Variants in MYO7A observed in about 807,000 individuals in gnomAD.
MYO7A encodes unconventional myosin-VIIa.
In MYO7A, 210 loss-of-function variants were observed where a neutral mutation model predicts 263.8. The ratio of observed to expected loss-of-function variants is 0.80; its 90% CI spans 0.71 to 0.89. The LOEUF (loss-of-function observed/expected upper bound fraction) is 0.89. Among genes scored for constraint, MYO7A ranks in the 40% least tolerant of loss-of-function variants. The pLI is 0.00. For missense variants in MYO7A, 2,820 were observed against 2,968.3 expected (o/e 0.95, Z 1.16); for synonymous variants, 1,239 against 1,197.3 (o/e 1.03, Z -0.72).
rs551657178 is a variant in MYO7A at position 77,175,313 on chromosome 11, C to T, written c.2095-59C>T. The T allele has an allele frequency of 1.2e-4, 185 of 1,518,664 alleles. 1 individual carries two copies. The highest frequency in any genetic ancestry group is 3.4e-4 in the Middle Eastern group (2 of 5,860). The allele number at this position is 1,518,664 out of a possible 1,614,324, so 94.1% of individuals were successfully genotyped here. A position where few individuals can be genotyped will look rare whatever the true frequency, so the allele number is the denominator to read the frequency against. On this transcript the variant is annotated intron_variant, in intron 17 of 48. Coordinates refer to ENST00000409709, the MANE Select transcript of MYO7A (RefSeq NM_000260.4). The stretch of plus-strand genomic sequence containing the variant: ...CTGCCTCTCAGCCTCGGGGACACTC[C>T]GGAGGCCTTCCCACTGGAGAGGCTG...
At chr11:77,171,232 G>C (rs913795947) in intron 15 of MYO7A, among the ~76,000 whole-genome samples, 2 of 152,172 alleles carry the variant, frequency 1.3e-5, no homozygotes, top group Admixed American at 1.3e-4. Flanking sequence ...TGCATGCTGA[G>C]GTTGTGTGTG....
intron 10 of MYO7A, among the ~76,000 whole-genome samples, 155 bp downstream of exon 10, chr11:77,159,678 G>A (rs1555067084): frequency 6.6e-6 from 1 of 152,208 alleles, no homozygotes; most frequent in Non-Finnish European, 1.5e-5. Context: ...TGCAGGTCCT[G>A]TGCTAGGCAC....
Position 77,199,587 on chromosome 11 carries a change from C to T in MYO7A, c.4621C>T (p.Pro1541Ser), listed in dbSNP as rs1460898313. 1.3e-6 allele frequency: 2 copies of T among 1,577,226 alleles called. No individual in the cohort carries two copies. The highest frequency in any genetic ancestry group is 8.6e-7 in the Non-Finnish European group (1 of 1,160,632). Reference sequence around the variant, plus strand: ...CTGCTCTGATCTTGGCTGTGCTGCGCCTCACTCAGGCTGGGCAGGACTGAC... The same window carrying T: ...CTGCTCTGATCTTGGCTGTGCTGCGTCTCACTCAGGCTGGGCAGGACTGAC... ...LGCSDLGCAA[P>S]HSGWAGLTPA... is the part of the protein sequence containing the mutation. The change falls in exon 35 of 49, where the codon CCT becomes TCT. Residue 1541 changes from proline to serine, a missense_variant. Physicochemically the swap from Pro to Ser is moderately conservative, Grantham distance 74. Coordinates refer to ENST00000409709, the MANE Select transcript of MYO7A (RefSeq NM_000260.4).
In MYO7A at chr11:77,138,884, C is replaced by T. The variant is rs1462266055; in HGVS notation, c.19-3825C>T. On this transcript the variant is annotated intron_variant, in intron 2 of 48. Transcript: ENST00000409709. The surrounding 1 kb of genome is among the most constrained non-coding windows in gnomAD (Gnocchi z 4.9). ...AAATGGGGTGATAAAACCGGTGTCC[C>T]AGAGTGATCATGAAGATAACGAGCG... 6.6e-6 allele frequency among the ~76,000 whole-genome samples: 1 copy of T among 152,228 alleles called. No homozygotes were observed. Among genetic ancestry groups the T allele is most frequent in the Admixed American group, 6.5e-5 (1 of 15,292 alleles).
intron 48 of MYO7A, 91 bp from the exon 49 acceptor site, chr11:77,214,516 C>A: frequency 1.1e-6 from 1 of 946,872 alleles, no homozygotes; most frequent in Non-Finnish European, 1.7e-6. Flanking sequence ...CTGGGTTCTG[C>A]CCATTGCAGA....
In MYO7A at chr11:77,192,064, G is replaced by A; in HGVS notation, c.3938G>A (p.Gly1313Asp). ...CTGTGCCCACAGGTGTCCTCCCTGG[G>A]CAGCGGCAGTGACCACGTCATGGAC... ...IALFDKVSSLGSGSDHVMDAI... is the reference protein window; with the variant it reads ...IALFDKVSSLDSGSDHVMDAI... The change falls in exon 31 of 49, where the codon GGC becomes GAC. Residue 1313 changes from glycine (G) to aspartate (D), a missense_variant. Gly to Asp is a moderately conservative substitution (Grantham distance 94). Coordinates refer to ENST00000409709, the MANE Select transcript of MYO7A (RefSeq NM_000260.4). 4 of 1,613,296 alleles carry A rather than the reference G, an allele frequency of 2.5e-6. No individual in the cohort carries two copies. The highest frequency in any genetic ancestry group is 1.1e-5 in the South Asian group (1 of 91,008).
chr11:77,192,310 C>T (rs773171174), intron 31 of MYO7A, 32 bp downstream of exon 31: 46 of 1,601,112 alleles, frequency 2.9e-5, no homozygotes, highest in Admixed American at 1.7e-4. Flanking sequence ...GCCAGGCTGG[C>T]TTGGCTCACA....
intron 4 of MYO7A, among the ~76,000 whole-genome samples, chr11:77,154,135 C>T (rs1012447106): frequency 2.0e-5 from 3 of 152,186 alleles, no homozygotes; most frequent in Admixed American, 6.5e-5. Context: ...AGGAAGGTGG[C>T]GTTTATGTAT....
At position 77,203,041 on chromosome 11, in the gene MYO7A, G is replaced by A. The variant is rs900981331; in HGVS notation, c.5169-19G>A. ...CTGCCAGCGATGGGGCGTTGCTGAC[G>A]GTCCCTGTGCTGCGGCAGGCCCCCA... is the stretch of plus-strand genomic sequence containing the variant. On this transcript the variant is annotated intron_variant, in intron 37 of 48. Transcript: ENST00000409709. 1.6e-5 allele frequency: 25 copies of A among 1,545,384 alleles called. No homozygotes were observed. Among genetic ancestry groups the A allele is most frequent in the African/African-American group, 6.9e-5 (5 of 72,932 alleles).
intron 27 of MYO7A, chr11:77,185,074 A>G: frequency 7.5e-6 from 3 of 401,088 alleles, no homozygotes; most frequent in South Asian, 6.5e-5. Context: ...CATTATGTCT[A>G]AAAAATGTAG....
At chr11:77,180,325 A>G (rs1955067783) in intron 21 of MYO7A, 49 bp from the exon 22 acceptor site, 11 of 1,528,782 alleles carry the variant, frequency 7.2e-6, no homozygotes, top group Non-Finnish European at 9.9e-6. Context: ...AATCCCTGCA[A>G]CAACAGCTAC....
chr11:77,133,391 T>G (rs554261171), intron 2 of MYO7A, among the ~76,000 whole-genome samples: 1 of 152,232 alleles, frequency 6.6e-6, no homozygotes, highest in Admixed American at 6.5e-5. Flanking sequence ...CCCAGATTTG[T>G]GGGCAGAGGG....
At chr11:77,189,611 G>T in intron 28 of MYO7A, 141 bp downstream of exon 28, 1 of 1,269,366 alleles carries the variant, frequency 7.9e-7, no homozygotes, top group Non-Finnish European at 1.1e-6. Flanking sequence ...CCATCTTCCT[G>T]GCACCCCCTC....
At chr11:77,151,199 A>G (rs1951933798) in intron 4 of MYO7A, among the ~76,000 whole-genome samples, 2 of 152,212 alleles carry the variant, frequency 1.3e-5, no homozygotes, top group South Asian at 4.1e-4. Flanking sequence ...GAGAGCAAGG[A>G]CTGTCCCCGC....
At chr11:77,187,406 A>G (rs782120783) in intron 27 of MYO7A, among the ~76,000 whole-genome samples, 5 of 152,218 alleles carry the variant, frequency 3.3e-5, no homozygotes, top group Admixed American at 6.5e-5. Context: ...GTGGGAAGAT[A>G]AAGCTATGAA....
At chr11:77,144,044 G>A (rs971743152) in intron 3 of MYO7A, among the ~76,000 whole-genome samples, 5 of 152,176 alleles carry the variant, frequency 3.3e-5, no homozygotes, top group Non-Finnish European at 5.9e-5. Flanking sequence ...GGCACATAGA[G>A]GGACCACACA....
chr11:77,200,291 A>G (rs1956979656), intron 35 of MYO7A, among the ~76,000 whole-genome samples: 2 of 151,928 alleles, frequency 1.3e-5, no homozygotes, highest in South Asian at 4.2e-4. Flanking sequence ...AAGAAAAGAA[A>G]CAAAGAGAAA....
chr11:77,183,857 C>T (rs1218459913), intron 26 of MYO7A, among the ~76,000 whole-genome samples: 1 of 152,210 alleles, frequency 6.6e-6, no homozygotes, highest in Non-Finnish European at 1.5e-5. Context: ...CCACCTGAGG[C>T]ACAAATCCAG....
intron 8 of MYO7A, among the ~76,000 whole-genome samples, chr11:77,158,034 T>G (rs752350307): frequency 5.9e-5 from 9 of 151,986 alleles, no homozygotes; most frequent in Non-Finnish European, 1.2e-4. Context: ...CTGCTCTTCA[T>G]GGGAAGAAGG....
Sources: allele counts gnomAD v4.1 joint callset (sites outside exome capture counted in the v4.1 genomes callset), GRCh38; gene constraint gnomAD v4.1.1; non-coding constraint Gnocchi (gnomAD v3.1); transcripts MANE v1.5; gene names NCBI Gene and HGNC (gene_info 2026-07-23, HGNC 2026-07-21).